Variants in COL6A2 observed in about 807,000 individuals in gnomAD.
COL6A2 encodes the protein collagen type VI alpha 2 chain, also known as collagen alpha-2(VI) chain.
A neutral mutation model predicts 124.9 loss-of-function variants in COL6A2; 90 were observed. The observed-to-expected ratio is 0.72, with a 90% CI of 0.61 to 0.86. The LOEUF (loss-of-function observed/expected upper bound fraction) is 0.86, where lower values mean the gene tolerates loss of function less well. Ranked by LOEUF, COL6A2 falls within the 40% of genes least tolerant of loss-of-function variation. The pLI is 0.00. For missense variants in COL6A2, 1,607 were observed against 1,502.5 expected, an observed-to-expected ratio of 1.07 and a Z score of -1.15; for synonymous variants, 793 against 618.2, an observed-to-expected ratio of 1.28 and a Z score of -4.19.
At position 46,116,531 on chromosome 21, in the gene COL6A2, G is replaced by A; in HGVS notation, c.928-120G>A. On this transcript the variant is annotated intron_variant, in intron 8 of 27. Coordinates refer to ENST00000300527, the MANE Select transcript of COL6A2 (RefSeq NM_001849.4). This position sits in a 1 kb window ranked among gnomAD's most constrained non-coding sequence, Gnocchi z 4.6. ...TGGTCTTTTCTCAGTGGTGGCTTTGGGGGCTCCTGGGGGGTCCTGTGGCCT... is the reference window on the plus strand; with the variant it reads ...TGGTCTTTTCTCAGTGGTGGCTTTGAGGGCTCCTGGGGGGTCCTGTGGCCT... 6.4e-7 allele frequency: 1 copy of A among 1,573,392 alleles called. No individual in the cohort carries two copies. The highest frequency in any genetic ancestry group is 1.1e-5 in the South Asian group (1 of 89,678).
At chr21:46,122,832 GAC>G in intron 20 of COL6A2, 41 bp from the exon 21 acceptor site, 1 of 1,589,498 alleles carries the variant, frequency 6.3e-7, no homozygotes, top group Non-Finnish European at 8.6e-7. Context: ...CCCTGGTAGA[GAC>G]AGCTCCTCTG....
chr21:46,121,048 C>T lies in COL6A2; in HGVS notation c.1396-13C>T, dbSNP rs1349397374. Reference sequence around the variant, plus strand: ...CAGTCAAGAGAACCCCAAATTCCTCCCCTTTCTTCCAGGGAGACCGAGGCT... The same window carrying T: ...CAGTCAAGAGAACCCCAAATTCCTCTCCTTTCTTCCAGGGAGACCGAGGCT... On this transcript the variant is annotated splice_polypyrimidine_tract_variant and intron_variant, in intron 16 of 27. Transcript: ENST00000300527. The T allele has an allele frequency of 1.2e-6, 2 of 1,612,488 alleles. No individual in the cohort carries two copies. The highest frequency in any genetic ancestry group is 2.2e-5 in the East Asian group (1 of 44,874).
In COL6A2 at chr21:46,128,848, C is replaced by T. The variant is rs139651715; in HGVS notation, c.2461+2307C>T. 1.3e-4 allele frequency: 196 copies of T among 1,476,404 alleles called. 1 individual carries two copies. The South Asian group carries it at 1.9e-3, about 14-fold the overall frequency. The allele number at this position is 1,476,404 out of a possible 1,614,324, so 91.5% of individuals were successfully genotyped here. ...TGAGGGGTGGCTGGGGTCTTCCTGGCGACGGGCCTGCGGCACTGGAAGCCC... is the reference window on the plus strand; with the variant it reads ...TGAGGGGTGGCTGGGGTCTTCCTGGTGACGGGCCTGCGGCACTGGAAGCCC... On this transcript the variant is annotated intron_variant, in intron 27 of 27. Coordinates refer to ENST00000300527, the MANE Select transcript of COL6A2 (RefSeq NM_001849.4).
rs745867374 is a variant in COL6A2, at chr21:46,121,090, C to T, written c.1425C>T (p.Gly475=). The T allele has an allele frequency of 6.2e-6, 10 of 1,612,758 alleles. No homozygotes were observed. The highest frequency in any genetic ancestry group is 2.2e-5 in the East Asian group (1 of 44,874). ...KGDRGLPGPR[G]PQGALGEPGK... is the part of the protein sequence containing the mutation. The stretch of plus-strand genomic sequence containing the variant: ...ACCGAGGCTTGCCTGGACCCAGAGG[C>T]CCCCAGGGAGCTCTTGGGGAGCCCG... The change falls in exon 17 of 28, where the codon GGC becomes GGT. Residue 475 remains glycine (G), a synonymous_variant. Coordinates refer to ENST00000300527, the MANE Select transcript of COL6A2 (RefSeq NM_001849.4).
Position 46,132,741 on chromosome 21 carries a change from T to TCCGCA in COL6A2, c.*190_*194dup. The TCCGCA allele has an allele frequency of 1.7e-6, 1 of 597,262 alleles. No homozygotes were observed. Among genetic ancestry groups the TCCGCA allele is most frequent in the Admixed American group, 3.1e-5 (1 of 31,872 alleles). The allele number at this position is 597,262 out of a possible 1,614,324, so 37.0% of individuals were successfully genotyped here. ...CCCAGCCCCAGGTCTCCCCAGGCCC[T>TCCGCA]CCGCAGGCTGCCCGGCCTCCCTCCC... On this transcript the variant is annotated 3_prime_UTR_variant, in exon 28 of 28. Coordinates refer to ENST00000300527, the MANE Select transcript of COL6A2 (RefSeq NM_001849.4).
At position 46,125,031 on chromosome 21, in the gene COL6A2, G is replaced by A. The variant is rs193211509; in HGVS notation, c.1770+111G>A. 2.0e-4 allele frequency: 265 copies of A among 1,332,718 alleles called. 3 individuals carry two copies. The East Asian group carries it at 5.2e-3, about 26-fold the overall frequency. The allele number at this position is 1,332,718 out of a possible 1,614,324, so 82.6% of individuals were successfully genotyped here. A position where few individuals can be genotyped will look rare whatever the true frequency, so the allele number is the denominator to read the frequency against. On this transcript the variant is annotated intron_variant, in intron 23 of 27. Transcript: ENST00000300527. Reference sequence around the variant, plus strand: ...GCACGGTCAGAGAGCAAGATCAGTGGAGGAGGTCAGAGGGCAAGGTCAGAG... The same window carrying A: ...GCACGGTCAGAGAGCAAGATCAGTGAAGGAGGTCAGAGGGCAAGGTCAGAG...
In COL6A2 at chr21:46,121,548, G is replaced by A. The variant is rs546206539; in HGVS notation, c.1459-8G>A. 9.4e-5 allele frequency: 152 copies of A among 1,612,784 alleles called. 1 individual carries two copies. In the South Asian group the frequency reaches 1.5e-3, roughly 16 times the overall value. ...GTGCTGACTTCTGAATTTCTCTCCT[G>A]CCCTCAGGGATCTCGGGGAGACCCC... On this transcript the variant is annotated splice_polypyrimidine_tract_variant and splice_region_variant and intron_variant, in intron 17 of 27. Transcript: ENST00000300527.
chr21:46,116,636 T>C lies in COL6A2; in HGVS notation c.928-15T>C. ...GAGGCACCGAGCTCACTGCGCCGGC[T>C]TTCCTCCTACACAGGGTGAATTTGG... On this transcript the variant is annotated splice_polypyrimidine_tract_variant and intron_variant, in intron 8 of 27. Transcript: ENST00000300527. The surrounding 1 kb of genome is among the most constrained non-coding windows in gnomAD (Gnocchi z 4.6). 1 of 1,612,956 alleles carries C rather than the reference T, an allele frequency of 6.2e-7. No homozygotes were observed. Among genetic ancestry groups the C allele is most frequent in the Non-Finnish European group, 8.5e-7 (1 of 1,180,012 alleles).
intron 17 of COL6A2, 102 bp downstream of exon 17, chr21:46,121,225 C>T (rs968588197): frequency 1.3e-5 from 16 of 1,192,108 alleles, no homozygotes; most frequent in Middle Eastern, 2.1e-4. Context: ...CCATAGCAAA[C>T]CCAGGCAGCA....
Position 46,129,122 on chromosome 21 carries a change from C to T in COL6A2, c.2461+2581C>T, listed in dbSNP as rs554382025. 1,133 of 1,607,488 alleles carry T rather than the reference C, an allele frequency of 7.0e-4. 1 individual carries two copies. The highest frequency in any genetic ancestry group is 9.1e-4 in the Non-Finnish European group (1,076 of 1,179,164). ...CGCTCTTCACTCTGGCCTCGCTGAGCGGCTGCCCGAGGAGGAGCTCTAGGC... is the reference window on the plus strand; with the variant it reads ...CGCTCTTCACTCTGGCCTCGCTGAGTGGCTGCCCGAGGAGGAGCTCTAGGC... On this transcript the variant is annotated intron_variant, in intron 27 of 27. Transcript: ENST00000300527.
intron 4 of COL6A2, 45 bp downstream of exon 4, chr21:46,112,869 C>G: frequency 2.5e-6 from 4 of 1,612,870 alleles, no homozygotes; most frequent in Admixed American, 1.7e-5. Flanking sequence ...GGCAGCTGAC[C>G]CAGCAGAGAT....
chr21:46,124,973 C>T, intron 23 of COL6A2, 53 bp downstream of exon 23: 4 of 1,603,648 alleles, frequency 2.5e-6, no homozygotes, highest in Non-Finnish European at 3.4e-6. Context: ...AAACTAGACA[C>T]CAAGAGCAGC....
chr21:46,098,571 G>T (rs1389529210), intron 1 of COL6A2, among the ~76,000 whole-genome samples: 11 of 151,382 alleles, frequency 7.3e-5, no homozygotes, highest in African/African-American at 2.7e-4. Flanking sequence ...GTCCGGCTCC[G>T]GCCCGCGGGG....
intron 12 of COL6A2, among the ~76,000 whole-genome samples, 169 bp downstream of exon 12, chr21:46,118,105 A>G (rs2078504916): frequency 6.6e-6 from 1 of 152,048 alleles, no homozygotes; most frequent in Non-Finnish European, 1.5e-5. Flanking sequence ...CCGTTGCTTC[A>G]TCAGCTTCTA....
chr21:46,117,862 C>T lies in COL6A2; in HGVS notation c.1054-12C>T, dbSNP rs775273346. On this transcript the variant is annotated splice_polypyrimidine_tract_variant and intron_variant, in intron 11 of 27. Transcript: ENST00000300527. ...GCCGTGTGCCGAGCTCCACCTCTCA[C>T]TCCTCTCTCAGGGCCCCGACGGTTA... The T allele has an allele frequency of 9.9e-6, 16 of 1,608,546 alleles. No homozygotes were observed. The highest frequency in any genetic ancestry group is 1.4e-5 in the Non-Finnish European group (16 of 1,178,570).
chr21:46,120,965 C>T (rs749566604), intron 16 of COL6A2, 96 bp from the exon 17 acceptor site: 11 of 1,194,162 alleles, frequency 9.2e-6, no homozygotes, highest in African/African-American at 4.5e-5. Context: ...ACCCGTCTTA[C>T]CCCCGAGGCC....
chr21:46,132,651 G>A lies in COL6A2; in HGVS notation c.*99G>A, dbSNP rs955264589. The A allele has an allele frequency of 9.2e-5, 114 of 1,234,756 alleles. No homozygotes were observed. The highest frequency in any genetic ancestry group is 8.2e-4 in the Middle Eastern group (4 of 4,906). 76.5% of individuals were successfully genotyped at this position (1,234,756 alleles called of 1,614,324 possible). A position where few individuals can be genotyped will look rare whatever the true frequency, so the allele number is the denominator to read the frequency against. ...ACACGGCCAGCACCGCTGCTCACTC[G>A]GACGACGCCCTGGGCCTGCACCTCT... On this transcript the variant is annotated 3_prime_UTR_variant, in exon 28 of 28. Coordinates refer to ENST00000300527, the MANE Select transcript of COL6A2 (RefSeq NM_001849.4).
At chr21:46,101,338 T>C (rs898746889) in intron 1 of COL6A2, among the ~76,000 whole-genome samples, 1 of 152,240 alleles carries the variant, frequency 6.6e-6, no homozygotes, top group African/African-American at 2.4e-5. Flanking sequence ...TTTACAGATA[T>C]TTTCTCTCAT....
At chr21:46,129,137 G>C in intron 27 of COL6A2, 1 of 1,610,076 alleles carries the variant, frequency 6.2e-7, no homozygotes, top group East Asian at 2.2e-5. Context: ...GCCCGAGGAG[G>C]AGCTCTAGGC....
Sources: allele counts gnomAD v4.1 joint callset (sites outside exome capture counted in the v4.1 genomes callset), GRCh38; gene constraint gnomAD v4.1.1; non-coding constraint Gnocchi (gnomAD v3.1); transcripts MANE v1.5; gene names NCBI Gene and HGNC (gene_info 2026-07-23, HGNC 2026-07-21).